Variants in HYDIN observed in about 807,000 individuals in gnomAD.
The protein encoded by HYDIN is axonemal central pair apparatus protein HYDIN.
A neutral mutation model predicts 403.9 loss-of-function variants in HYDIN; 132 were observed. That is an observed-to-expected ratio of 0.33 (90% CI 0.28 to 0.38). HYDIN has a LOEUF of 0.38. HYDIN is among the 10% of genes least tolerant of loss of function. HYDIN has a pLI of 1.00. For synonymous variants in HYDIN, 1,202 were observed against 1,891.7 expected, an observed-to-expected ratio of 0.64 and a Z score of 9.46; for missense variants, 2,827 against 5,009.5, an observed-to-expected ratio of 0.56 and a Z score of 13.15.
chr16:70,963,171 C>T (rs944816105), intron 37 of HYDIN, among the ~76,000 whole-genome samples: 11 of 151,628 alleles, frequency 7.3e-5, no homozygotes, highest in African/African-American at 2.7e-4. Context: ...ACTGTGAGCT[C>T]TCAAAGGTAA....
chr16:70,994,695 A>G (rs2079472020), intron 23 of HYDIN, among the ~76,000 whole-genome samples: 1 of 149,000 alleles, frequency 6.7e-6, no homozygotes, highest in African/African-American at 2.6e-5. Context: ...GGGCAGCCAG[A>G]TTTAGGAGCT....
intron 6 of HYDIN, among the ~76,000 whole-genome samples, chr16:71,157,318 G>A (rs1213855604): frequency 1.3e-5 from 2 of 151,910 alleles, no homozygotes; most frequent in African/African-American, 4.8e-5. Context: ...ATTTCTAGCT[G>A]TATATTGACA....
intron 1 of HYDIN, among the ~76,000 whole-genome samples, chr16:71,193,175 G>C (rs1308412200): frequency 6.6e-6 from 1 of 152,156 alleles, no homozygotes; most frequent in African/African-American, 2.4e-5. Context: ...ATGTGTAATT[G>C]GCACATACAA....
intron 54 of HYDIN, 81 bp downstream of exon 54, chr16:70,895,900 C>T (rs1405363905): frequency 5.4e-6 from 8 of 1,479,502 alleles, no homozygotes; most frequent in Non-Finnish European, 7.2e-6. Flanking sequence ...ACTAACAACA[C>T]ACTAGCCTTT....
chr16:71,214,658 C>A (rs1440423674), intron 1 of HYDIN, among the ~76,000 whole-genome samples: 3 of 152,120 alleles, frequency 2.0e-5, no homozygotes, highest in Non-Finnish European at 2.9e-5. Context: ...TATTCCTTGA[C>A]CAGTGGGAGA....
intron 10 of HYDIN, chr16:71,113,878 G>A (rs1203750349): frequency 6.6e-6 from 1 of 152,104 alleles, no homozygotes; most frequent in African/African-American, 2.4e-5. Context: ...ATAGCCGGAA[G>A]TCACCGTGCC....
At chr16:70,809,732 A>G in intron 85 of HYDIN, 51 bp downstream of exon 85, 1 of 1,404,478 alleles carries the variant, frequency 7.1e-7, no homozygotes, top group Admixed American at 1.7e-5. Flanking sequence ...TTGTTTTTGA[A>G]CCCAGCGTTC....
intron 1 of HYDIN, among the ~76,000 whole-genome samples, chr16:71,195,257 A>G (rs1375477492): frequency 6.6e-6 from 1 of 150,838 alleles, no homozygotes; most frequent in East Asian, 1.9e-4. Context: ...TTTGGTTTAA[A>G]AAAAAAAAAA....
chr16:70,971,897 G>A (rs2143985810), intron 35 of HYDIN, among the ~76,000 whole-genome samples: 1 of 152,176 alleles, frequency 6.6e-6, no homozygotes, highest in Admixed American at 6.5e-5. Context: ...TGCTGCTGAT[G>A]TTGATGATGA....
intron 1 of HYDIN, among the ~76,000 whole-genome samples, chr16:71,193,425 C>T (rs1559420): frequency 6.6e-6 from 1 of 151,874 alleles, no homozygotes; most frequent in Non-Finnish European, 1.5e-5. Flanking sequence ...AAAAGTTAGA[C>T]AAATATATTC....
intron 59 of HYDIN, 145 bp downstream of exon 59, chr16:70,883,775 T>G (rs2040954136): frequency 1.1e-6 from 1 of 880,512 alleles, no homozygotes; most frequent in Non-Finnish European, 1.7e-6. Flanking sequence ...TTTGCCATGT[T>G]GGCCAGGCTG....
intron 14 of HYDIN, among the ~76,000 whole-genome samples, chr16:71,067,764 T>C (rs1205341391): frequency 2.0e-5 from 3 of 152,170 alleles, no homozygotes; most frequent in Non-Finnish European, 4.4e-5. Flanking sequence ...GAAAATGTAA[T>C]ATACTAGTAA....
chr16:71,107,748 T>C (rs976664984), intron 10 of HYDIN, among the ~76,000 whole-genome samples: 4 of 152,084 alleles, frequency 2.6e-5, no homozygotes, highest in Admixed American at 1.3e-4. Flanking sequence ...TCAACCATTA[T>C]GGAAAGCAGT....
At chr16:70,986,395 C>T (rs1420071874) in intron 27 of HYDIN, among the ~76,000 whole-genome samples, 1 of 152,142 alleles carries the variant, frequency 6.6e-6, no homozygotes, top group Admixed American at 6.5e-5. Context: ...AGACATGAGC[C>T]GAAACCAAGT....
intron 71 of HYDIN, among the ~76,000 whole-genome samples, chr16:70,858,205 A>G (rs1164066318): frequency 6.6e-6 from 1 of 151,422 alleles, no homozygotes; most frequent in African/African-American, 2.4e-5. Context: ...GACAATCCCC[A>G]TACTTGTCAA....
intron 1 of HYDIN, among the ~76,000 whole-genome samples, chr16:71,193,431 T>C (rs1188705178): frequency 6.6e-6 from 1 of 152,188 alleles, no homozygotes; most frequent in African/African-American, 2.4e-5. Context: ...TAGACAAATA[T>C]ATTCTCAGCT....
intron 21 of HYDIN, among the ~76,000 whole-genome samples, chr16:71,024,993 A>G (rs4238971): frequency 1.3e-5 from 2 of 152,038 alleles, no homozygotes; most frequent in Non-Finnish European, 2.9e-5. Context: ...ATGTCTAGCA[A>G]GTACTAATCA....
chr16:71,066,974 C>T (rs755762152), intron 15 of HYDIN: 3 of 686,402 alleles, frequency 4.4e-6, no homozygotes, highest in Admixed American at 4.2e-5. Flanking sequence ...AGCTCTTCAC[C>T]TCTTCCTGCT....
chr16:71,033,806 C>T lies in HYDIN; in HGVS notation c.2530-1889G>A, dbSNP rs1597601207. ...CTTAAAAGAAAATAAATCATTTCCC[C>T]ATTTTGATTGCTTTGTCATTTAGAT... On this transcript the variant is annotated intron_variant, in intron 18 of 85. Transcript: ENST00000393567. 2.0e-5 allele frequency among the ~76,000 whole-genome samples: 3 copies of T among 151,948 alleles called. No homozygotes were observed. In the South Asian group the frequency reaches 6.3e-4, roughly 32 times the overall value.
Sources: allele counts gnomAD v4.1 joint callset (sites outside exome capture counted in the v4.1 genomes callset), GRCh38; gene constraint gnomAD v4.1.1; transcripts MANE v1.5; gene names NCBI Gene and HGNC (gene_info 2026-07-23, HGNC 2026-07-21).